The following NLRP5 variants were observed in gnomAD, a reference collection of about 807,000 sequenced individuals.
The protein encoded by NLRP5 is NLR family pyrin domain containing 5.
Under a neutral mutation model 113.1 loss-of-function variants are expected in NLRP5, and 93 were observed. That is an observed-to-expected ratio of 0.82 (90% CI 0.70 to 0.98). The LOEUF (loss-of-function observed/expected upper bound fraction) is 0.98. Ranked by LOEUF, NLRP5 falls within the 50% of genes least tolerant of loss-of-function variation. The pLI, the probability that NLRP5 is intolerant of heterozygous loss-of-function variation, is 0.00. For missense variants in NLRP5, 1,808 were observed against 1,514.3 expected, an observed-to-expected ratio of 1.19 and a Z score of -3.22; for synonymous variants, 751 against 600.7, an observed-to-expected ratio of 1.25 and a Z score of -3.66.
upstream of NLRP5, among the ~76,000 whole-genome samples, chr19:55,996,223 G>A (rs921423921): frequency 1.3e-5 from 2 of 152,172 alleles, no homozygotes; most frequent in Non-Finnish European, 2.9e-5. Context: ...AGTTCTTAGG[G>A]AAAAGGCTTT....
rs1257418902 is a variant in NLRP5 at position 56,058,956 on chromosome 19, T to A, written c.3470+546T>A. Among the ~76,000 whole-genome samples the A allele has an allele frequency of 2.6e-5, 4 of 152,182 alleles. No homozygotes were observed. In the East Asian group the frequency reaches 7.7e-4, roughly 29 times the overall value. The stretch of plus-strand genomic sequence containing the variant: ...CATGCCGAGTGGAATAAGCCAGTCC[T>A]AAAAAGACAAATACTGTAGGATTCT... On this transcript the variant is annotated intron_variant, in intron 14 of 14. Transcript: ENST00000390649.
chr19:56,027,301 G>A lies in NLRP5; in HGVS notation c.1068G>A (p.Arg356=). 3.1e-6 allele frequency: 5 copies of A among 1,612,072 alleles called. No individual in the cohort carries two copies. Among genetic ancestry groups the A allele is most frequent in the East Asian group, 2.2e-5 (1 of 44,872 alleles). ...CGGAGATCATGTCCCGACCAGAAAG[G>A]CTGTTGTTCATCATTGACGGTTTCG... Residue 356 remains arginine (R), a synonymous_variant, in exon 7 of 15, where the codon AGG becomes AGA. Coordinates refer to ENST00000390649, the MANE Select transcript of NLRP5 (RefSeq NM_153447.4).
At chr19:56,042,378 CTG>C (rs1254503685) in intron 11 of NLRP5, among the ~76,000 whole-genome samples, 5 of 152,118 alleles carry the variant, frequency 3.3e-5, no homozygotes, top group Non-Finnish European at 5.9e-5. Context: ...CAGTTTGGCT[CTG>C]TCACCCAGGT....
intron 6 of NLRP5, among the ~76,000 whole-genome samples, chr19:56,023,521 A>G (rs1332103027): frequency 1.7e-4 from 26 of 152,220 alleles, no homozygotes; most frequent in Admixed American, 1.7e-3. Flanking sequence ...CTACATGCTG[A>G]GCGGTGCGTT....
chr19:56,057,242 A>G (rs1984191013), intron 13 of NLRP5, among the ~76,000 whole-genome samples: 1 of 152,218 alleles, frequency 6.6e-6, no homozygotes, highest in African/African-American at 2.4e-5. Context: ...ATATCTGGTG[A>G]ACTATTTCAG....
chr19:56,028,834 G>A (rs1982981957), intron 7 of NLRP5, among the ~76,000 whole-genome samples: 1 of 152,016 alleles, frequency 6.6e-6, no homozygotes, highest in African/African-American at 2.4e-5. Context: ...GCACGATCTC[G>A]GCTCACTGCA....
At chr19:56,052,031 A>AT (rs1285056220) in intron 12 of NLRP5, among the ~76,000 whole-genome samples, 2 of 152,200 alleles carry the variant, frequency 1.3e-5, no homozygotes, top group South Asian at 2.1e-4. Context: ...TAGAGACATC[A>AT]TTTTTTTGAG....
In NLRP5 at chr19:56,027,320, G is replaced by A. The variant is rs749038475; in HGVS notation, c.1087G>A (p.Gly363Ser). The A allele has an allele frequency of 7.4e-6, 12 of 1,612,470 alleles. No homozygotes were observed. The highest frequency in any genetic ancestry group is 7.6e-6 in the Non-Finnish European group (9 of 1,179,860). Residue 363 changes from glycine to serine, a missense_variant, in exon 7 of 15, where the codon GGT becomes AGT. Transcript: ENST00000390649. ...AGAAAGGCTGTTGTTCATCATTGAC[G>A]GTTTCGATGACCTGGGCTCTGTCCT...
chr19:55,988,061 A>G, the NLRP5 span: 1 of 634,902 alleles, frequency 1.6e-6, no homozygotes, highest in South Asian at 1.8e-5. Flanking sequence ...TCAGCTTTGA[A>G]CCCTGGAGTG....
chr19:56,060,534 T>C (rs1322895082), intron 14 of NLRP5, among the ~76,000 whole-genome samples: 2 of 152,110 alleles, frequency 1.3e-5, no homozygotes, highest in African/African-American at 4.8e-5. Context: ...TCCAAGAACC[T>C]ATCAATGACA....
chr19:56,008,804 T>C lies in NLRP5; in HGVS notation c.459T>C (p.Asp153=), dbSNP rs369739477. 6.2e-7 allele frequency: 1 copy of C among 1,611,386 alleles called. No individual in the cohort carries two copies. Among genetic ancestry groups the C allele is most frequent in the Non-Finnish European group, 8.5e-7 (1 of 1,178,810 alleles). ...GTCTTCCAGGACATTCACCAGAAGA[T>C]CCTGAAGCAACGATGACTGACCAAG... The change falls in exon 3 of 15, where the codon GAT becomes GAC. Residue 153 remains aspartate, a synonymous_variant. Transcript: ENST00000390649.
chr19:56,005,089 G>C (rs1291153493), intron 2 of NLRP5, among the ~76,000 whole-genome samples: 2 of 64,490 alleles, frequency 3.1e-5, no homozygotes, highest in Non-Finnish European at 5.8e-5. Context: ...GTGAGACTGT[G>C]TCTCAAAAAA....
intron 2 of NLRP5, among the ~76,000 whole-genome samples, chr19:56,005,750 G>C (rs538962569): frequency 6.6e-6 from 1 of 152,182 alleles, no homozygotes; most frequent in Non-Finnish European, 1.5e-5. Context: ...AAAAGGCCCA[G>C]TGTGGAGGGC....
At chr19:56,020,353 G>T in intron 5 of NLRP5, 22 bp from the exon 6 acceptor site, 1 of 1,611,486 alleles carries the variant, frequency 6.2e-7, no homozygotes, top group East Asian at 2.2e-5. Flanking sequence ...ACACAAGTAT[G>T]TTGGAATTCA....
At chr19:56,057,195 C>T (rs183483901) in intron 13 of NLRP5, among the ~76,000 whole-genome samples, 2 of 152,154 alleles carry the variant, frequency 1.3e-5, no homozygotes, top group Non-Finnish European at 2.9e-5. Flanking sequence ...AACCTATATA[C>T]CCACCACCTA....
At chr19:56,040,028 G>T (rs1435261145) in intron 10 of NLRP5, among the ~76,000 whole-genome samples, 1 of 152,152 alleles carries the variant, frequency 6.6e-6, no homozygotes, top group Non-Finnish European at 1.5e-5. Flanking sequence ...ACAGCTCACT[G>T]CAGCCTCTAC....
intron 6 of NLRP5, among the ~76,000 whole-genome samples, chr19:56,020,867 T>A (rs1982585263): frequency 6.7e-6 from 1 of 148,538 alleles, no homozygotes; most frequent in Non-Finnish European, 1.5e-5. Context: ...TGTCTTGCCT[T>A]CGTGGCATTT....
At chr19:56,022,215 A>G (rs1349147953) in intron 6 of NLRP5, among the ~76,000 whole-genome samples, 5 of 151,676 alleles carry the variant, frequency 3.3e-5, no homozygotes, top group Admixed American at 3.3e-4. Flanking sequence ...GGGGAGATAC[A>G]CTCTCCACTC....
intron 6 of NLRP5, among the ~76,000 whole-genome samples, chr19:56,021,489 T>C (rs942671552): frequency 3.3e-5 from 5 of 152,104 alleles, no homozygotes; most frequent in African/African-American, 1.2e-4. Flanking sequence ...CAGTTTCCTC[T>C]CCCTCAAAAC....
Sources: allele counts gnomAD v4.1 joint callset (sites outside exome capture counted in the v4.1 genomes callset), GRCh38; gene constraint gnomAD v4.1.1; transcripts MANE v1.5; gene names NCBI Gene and HGNC (gene_info 2026-07-23, HGNC 2026-07-21).